Variants in FRK observed in about 807,000 individuals in gnomAD.
The protein encoded by FRK is fyn related Src family tyrosine kinase.
Under a neutral mutation model 56.4 loss-of-function variants are expected in FRK, and 51 were observed. The observed-to-expected ratio is 0.90, with a 90% CI of 0.72 to 1.14. The LOEUF (loss-of-function observed/expected upper bound fraction) is 1.14, where lower values mean the gene tolerates loss of function less well. FRK is among the 50% of genes most tolerant of loss of function. The probability of loss-of-function intolerance (pLI) is 0.00; values close to 1 mark genes in which losing one functional copy is unlikely to be tolerated. For missense variants in FRK, 570 were observed against 601.4 expected, an observed-to-expected ratio of 0.95 and a Z score of 0.55; for synonymous variants, 245 against 217.9, an observed-to-expected ratio of 1.12 and a Z score of -1.10.
At chr6:116,073,145 A>C in the FRK span, among the ~76,000 whole-genome samples, 1 of 152,196 alleles carries the variant, frequency 6.6e-6, no homozygotes, top group Non-Finnish European at 1.5e-5. Context: ...TCACACTGGT[A>C]TATCAAGGTG....
chr6:116,062,188 A>T (rs1246326565), upstream of FRK, among the ~76,000 whole-genome samples: 2 of 152,154 alleles, frequency 1.3e-5, no homozygotes, highest in African/African-American at 4.8e-5. Flanking sequence ...TCAGAGTACA[A>T]ATAACAAGTT....
intron 1 of FRK, among the ~76,000 whole-genome samples, chr6:116,040,087 T>A (rs777358205): frequency 6.6e-6 from 1 of 152,110 alleles, no homozygotes; most frequent in African/African-American, 2.4e-5. Context: ...AGAATGCACA[T>A]GGGGGAAGTC....
intron 1 of FRK, among the ~76,000 whole-genome samples, chr6:116,018,161 C>A (rs1267297748): frequency 1.3e-5 from 2 of 152,166 alleles, no homozygotes; most frequent in Non-Finnish European, 2.9e-5. Flanking sequence ...AGGGATTTTA[C>A]AACAAAATTC....
chr6:116,004,693 A>G (rs976430235), intron 1 of FRK, among the ~76,000 whole-genome samples: 2 of 152,202 alleles, frequency 1.3e-5, no homozygotes, highest in Admixed American at 6.5e-5. Context: ...TTCCAGAAAT[A>G]TAAGAGTCAG....
At chr6:115,995,580 G>A (rs150589692) in intron 2 of FRK, among the ~76,000 whole-genome samples, 1 of 152,136 alleles carries the variant, frequency 6.6e-6, no homozygotes, top group Non-Finnish European at 1.5e-5. Context: ...AAGTCAATAT[G>A]AGGGGTTCAC....
intron 5 of FRK, among the ~76,000 whole-genome samples, chr6:115,945,429 A>G (rs540981): frequency 0.68 from 102,873 of 151,928 alleles, 35,352 homozygotes; most frequent in East Asian, 0.98. Flanking sequence ...ATGGTATCTC[A>G]TTGTGGTTTT....
intron 2 of FRK, among the ~76,000 whole-genome samples, 184 bp from the exon 3 acceptor site, chr6:115,968,923 A>G (rs1321773230): frequency 6.6e-6 from 1 of 152,222 alleles, no homozygotes; most frequent in African/African-American, 2.4e-5. Context: ...AGAGAGTGTG[A>G]GAACTGGGAA....
chr6:116,064,984 A>G (rs549144525), upstream of FRK, among the ~76,000 whole-genome samples: 3 of 152,096 alleles, frequency 2.0e-5, no homozygotes, highest in East Asian at 5.8e-4. Flanking sequence ...TTCCACTGCT[A>G]ACTTCCCCTC....
intron 1 of FRK, among the ~76,000 whole-genome samples, chr6:116,009,996 G>A (rs1034153255): frequency 1.3e-5 from 2 of 152,146 alleles, no homozygotes; most frequent in African/African-American, 4.8e-5. Flanking sequence ...GGGAGGCCGA[G>A]GTGGGTGGAT....
intron 1 of FRK, among the ~76,000 whole-genome samples, chr6:116,022,950 C>G (rs148602371): frequency 6.6e-4 from 101 of 152,166 alleles, no homozygotes; most frequent in African/African-American, 2.3e-3. Context: ...TCAACAAAAA[C>G]GAACTCCAAG....
Position 116,060,218 on chromosome 6 carries a change from G to C in FRK, c.94C>G (p.Pro32Ala). ...GACTGGGGAGAGCAAAGGGCCCCTGGATTTTCAATCACGGTTGACTTGTCT... is the reference window on the plus strand; with the variant it reads ...GACTGGGGAGAGCAAAGGGCCCCTGCATTTTCAATCACGGTTGACTTGTCT... Reference protein sequence around the residue: ...EADKSTVIENPGALCSPQSQR... With the variant: ...EADKSTVIENAGALCSPQSQR... The change falls in exon 1 of 8, where the codon CCA (proline) becomes GCA (alanine). Residue 32 changes from proline (P) to alanine (A), a missense_variant. Physicochemically the swap from Pro to Ala is conservative, Grantham distance 27. Transcript: ENST00000606080. 6.2e-7 allele frequency: 1 copy of C among 1,614,132 alleles called. No individual in the cohort carries two copies. Among genetic ancestry groups the C allele is most frequent in the Middle Eastern group, 1.7e-4 (1 of 6,058 alleles).
intron 1 of FRK, among the ~76,000 whole-genome samples, chr6:116,004,340 G>A (rs1181916083): frequency 1.3e-5 from 2 of 151,384 alleles, no homozygotes; most frequent in African/African-American, 4.9e-5. Flanking sequence ...CATGTCCCAG[G>A]CTCTAAAATG....
intron 1 of FRK, among the ~76,000 whole-genome samples, chr6:116,058,249 A>T (rs558440850): frequency 1.3e-5 from 2 of 152,356 alleles, no homozygotes; most frequent in South Asian, 4.1e-4. Flanking sequence ...TATCCAATAT[A>T]TAAAGATATT....
chr6:116,055,729 C>G (rs1028603596), intron 1 of FRK, among the ~76,000 whole-genome samples: 1 of 152,130 alleles, frequency 6.6e-6, no homozygotes, highest in Non-Finnish European at 1.5e-5. Context: ...CACTTAGCAC[C>G]ATACCAGGCC....
the FRK span, among the ~76,000 whole-genome samples, chr6:116,090,676 C>A: frequency 1.3e-5 from 2 of 152,166 alleles, no homozygotes; most frequent in African/African-American, 4.8e-5. Flanking sequence ...TGCCATTAAC[C>A]AAGGATCAAA....
chr6:115,983,784 C>T (rs1157883331), intron 2 of FRK, among the ~76,000 whole-genome samples: 1 of 152,088 alleles, frequency 6.6e-6, no homozygotes, highest in Non-Finnish European at 1.5e-5. Flanking sequence ...GTCTGTTTTC[C>T]ATGTCTCCAG....
chr6:116,080,161 G>A, the FRK span, among the ~76,000 whole-genome samples: 2 of 151,912 alleles, frequency 1.3e-5, no homozygotes, highest in East Asian at 1.9e-4. Context: ...TAGAGAAAAA[G>A]CCTTTTTGTT....
the FRK span, among the ~76,000 whole-genome samples, chr6:116,089,489 C>A: frequency 6.6e-6 from 1 of 152,186 alleles, no homozygotes; most frequent in Non-Finnish European, 1.5e-5. Flanking sequence ...GAATAACGGA[C>A]ATGTATTTCT....
At chr6:116,059,379 G>T (rs900717462) in intron 1 of FRK, among the ~76,000 whole-genome samples, 1 of 151,972 alleles carries the variant, frequency 6.6e-6, no homozygotes, top group Non-Finnish European at 1.5e-5. Context: ...ATCATAATTT[G>T]GGTAGCATAT....
Sources: gnomAD v4.1 joint callset for allele counts (sites outside exome capture counted in the v4.1 genomes callset) on GRCh38, gnomAD v4.1.1 for gene constraint, MANE v1.5 for transcripts, NCBI Gene and HGNC (gene_info 2026-07-23, HGNC 2026-07-21) for gene names.